PCDH11X: variants seen among roughly 807,000 people sequenced by gnomAD.
PCDH11X encodes the protein protocadherin-11 X-linked.
PCDH11X carries 18 observed loss-of-function variants against 53.3 expected under a neutral mutation model. The observed-to-expected ratio is 0.34, with a 90% CI of 0.23 to 0.50. The LOEUF (loss-of-function observed/expected upper bound fraction) is 0.50. PCDH11X is among the 20% of genes least tolerant of loss of function. The pLI, the probability that PCDH11X is intolerant of heterozygous loss-of-function variation, is 0.98. For missense variants in PCDH11X, 570 were observed against 1,032.4 expected (o/e 0.55, Z 6.14); for synonymous variants, 279 against 393.3 (o/e 0.71, Z 3.44).
intron 6 of PCDH11X, among the ~76,000 whole-genome samples, chrX:91,973,613 CTTT>C (rs750179369): frequency 0.015 from 1,329 of 88,217 alleles, 12 homozygotes; most frequent in Non-Finnish European, 0.024. Flanking sequence ...GTATATACAA[CTTT>C]TTTTTTTTTT....
chrX:92,108,687 G>A (rs1037979840), intron 6 of PCDH11X, among the ~76,000 whole-genome samples: 2 of 111,343 alleles, frequency 1.8e-5, no homozygotes, highest in Admixed American at 9.6e-5. Context: ...TAATGCATCC[G>A]TAAACATAAC....
chrX:92,399,833 C>T (rs1184533718), intron 9 of PCDH11X, among the ~76,000 whole-genome samples: 1 of 109,304 alleles, frequency 9.1e-6, no homozygotes, highest in Non-Finnish European at 1.9e-5. Flanking sequence ...GCTCCACCTC[C>T]TGGGTTCACG....
intron 6 of PCDH11X, among the ~76,000 whole-genome samples, chrX:92,087,798 G>T (rs2063983466): frequency 9.1e-6 from 1 of 109,472 alleles, no homozygotes; most frequent in Admixed American, 1.0e-4. Context: ...TATCATGTCG[G>T]ATATCATTTT....
chrX:92,333,413 G>A (rs1400167195), intron 8 of PCDH11X, among the ~76,000 whole-genome samples: 2 of 111,110 alleles, frequency 1.8e-5, no homozygotes, highest in Non-Finnish European at 3.8e-5. Context: ...CTACCTGTTC[G>A]AGGCAGCATT....
chrX:92,334,026 C>T (rs192361515), intron 8 of PCDH11X, among the ~76,000 whole-genome samples: 389 of 110,971 alleles, frequency 3.5e-3, no homozygotes, highest in Non-Finnish European at 4.5e-3. Flanking sequence ...TCCAGTTATA[C>T]GTTGATTTTT....
At chrX:91,844,486 C>T (rs766353457) in intron 5 of PCDH11X, among the ~76,000 whole-genome samples, 25 of 109,258 alleles carry the variant, frequency 2.3e-4, no homozygotes, top group Admixed American at 7.0e-4. Context: ...ATTTACATCT[C>T]ATTCATATGC....
At chrX:92,128,347 A>G (rs1366802658) in intron 6 of PCDH11X, among the ~76,000 whole-genome samples, 1 of 110,430 alleles carries the variant, frequency 9.1e-6, no homozygotes, top group Admixed American at 9.8e-5. Flanking sequence ...AGAAAGACAC[A>G]AATAACTAAA....
At chrX:92,553,135 G>T (rs1432845769) in intron 10 of PCDH11X, among the ~76,000 whole-genome samples, 1 of 107,622 alleles carries the variant, frequency 9.3e-6, no homozygotes, top group Non-Finnish European at 1.9e-5. Context: ...AGAATTGTTT[G>T]AGTAGCATCC....
chrX:91,967,832 A>C (rs1266700915), intron 6 of PCDH11X, among the ~76,000 whole-genome samples: 3 of 112,255 alleles, frequency 2.7e-5, no homozygotes, highest in African/African-American at 9.7e-5. Context: ...TGTACAACAA[A>C]TCTCTTAAAA....
intron 6 of PCDH11X, among the ~76,000 whole-genome samples, chrX:92,143,634 C>T (rs914133500): frequency 1.1e-4 from 12 of 112,491 alleles, no homozygotes; most frequent in Non-Finnish European, 2.1e-4. Context: ...CACTTGGATG[C>T]CCAGGCAAAA....
At chrX:92,253,048 A>C (rs762713025) in intron 7 of PCDH11X, among the ~76,000 whole-genome samples, 1 of 111,556 alleles carries the variant, frequency 9.0e-6, no homozygotes, top group East Asian at 2.8e-4. Context: ...AAAAGAAAAA[A>C]AAAAGTTGTA....
At chrX:91,808,133 A>G (rs1936177933) in intron 1 of PCDH11X, among the ~76,000 whole-genome samples, 1 of 111,251 alleles carries the variant, frequency 9.0e-6, no homozygotes, top group African/African-American at 3.3e-5. Context: ...CAAAGCAAAA[A>G]TAACAAAGAT....
At chrX:92,607,295 AG>A (rs1569509965) in intron 10 of PCDH11X, among the ~76,000 whole-genome samples, 1 of 110,117 alleles carries the variant, frequency 9.1e-6, no homozygotes, top group Non-Finnish European at 1.9e-5. Flanking sequence ...TAATAAAAAA[AG>A]AACTGAAGTA....
chrX:92,409,035 G>A (rs2071588272), intron 9 of PCDH11X, among the ~76,000 whole-genome samples: 1 of 103,276 alleles, frequency 9.7e-6, no homozygotes, highest in Non-Finnish European at 1.9e-5. Context: ...AGATTACTGT[G>A]TGCTGTATTA....
intron 6 of PCDH11X, among the ~76,000 whole-genome samples, chrX:91,911,473 AC>A (rs1464934096): frequency 9.2e-6 from 1 of 108,291 alleles, no homozygotes; most frequent in Non-Finnish European, 1.9e-5. Context: ...ATCCAATTAT[AC>A]TTTTTTGGTT....
chrX:92,004,451 T>A, intron 6 of PCDH11X, among the ~76,000 whole-genome samples: 1 of 111,425 alleles, frequency 9.0e-6, no homozygotes. Flanking sequence ...ATTTTCCTTA[T>A]GGAAGATCTG....
At chrX:92,360,459 A>T (rs1249262683) in intron 8 of PCDH11X, among the ~76,000 whole-genome samples, 1 of 110,539 alleles carries the variant, frequency 9.0e-6, no homozygotes, top group Admixed American at 9.7e-5. Flanking sequence ...ATTTTCTCGA[A>T]ATTGGTCCTA....
At chrX:92,254,384 C>T (rs908635761) in intron 7 of PCDH11X, among the ~76,000 whole-genome samples, 2 of 111,027 alleles carry the variant, frequency 1.8e-5, no homozygotes, top group African/African-American at 6.6e-5. Context: ...TGGGTCTTGA[C>T]TCTTTATCCA....
intron 4 of PCDH11X, among the ~76,000 whole-genome samples, 187 bp downstream of exon 4, chrX:91,811,482 A>G (rs1302183618): frequency 1.8e-5 from 2 of 109,718 alleles, no homozygotes; most frequent in Admixed American, 9.8e-5. Context: ...ATTCCAATAT[A>G]CTGATATCAT....
Sources: allele counts gnomAD v4.1 joint callset (sites outside exome capture counted in the v4.1 genomes callset), GRCh38; gene constraint gnomAD v4.1.1; transcripts MANE v1.5; gene names NCBI Gene and HGNC (gene_info 2026-07-23, HGNC 2026-07-21).